Variants in CTNND2 observed in about 807,000 individuals in gnomAD.
CTNND2 encodes the protein catenin delta-2.
Under a neutral mutation model 144.4 loss-of-function variants are expected in CTNND2, and 22 were observed. The observed-to-expected ratio is 0.15, with a 90% CI of 0.11 to 0.22. The LOEUF (loss-of-function observed/expected upper bound fraction) is 0.22, where lower values mean the gene tolerates loss of function less well. Among genes scored for constraint, CTNND2 ranks in the 10% least tolerant of loss-of-function variants. CTNND2 has a pLI of 1.00. For missense variants in CTNND2, 1,353 were observed against 1,618.8 expected (o/e 0.84, Z 2.82); for synonymous variants, 751 against 695.6 (o/e 1.08, Z -1.25).
At chr5:11,018,335 C>T (rs545948648) in intron 17 of CTNND2, among the ~76,000 whole-genome samples, 1 of 152,110 alleles carries the variant, frequency 6.6e-6, no homozygotes, top group Non-Finnish European at 1.5e-5. Flanking sequence ...TTCCATAAGA[C>T]AAAACAATGT....
intron 3 of CTNND2, among the ~76,000 whole-genome samples, chr5:11,446,322 T>C (rs1296231868): frequency 6.6e-6 from 1 of 152,126 alleles, no homozygotes; most frequent in Non-Finnish European, 1.5e-5. Flanking sequence ...CAGTAGTCAT[T>C]AGTGATGCTA....
intron 2 of CTNND2, among the ~76,000 whole-genome samples, chr5:11,662,222 T>C (rs1463744759): frequency 7.4e-6 from 1 of 134,300 alleles, no homozygotes; most frequent in African/African-American, 3.1e-5. Context: ...TATACATATA[T>C]GTGTATATAT....
At chr5:11,455,570 T>C (rs961540430) in intron 3 of CTNND2, among the ~76,000 whole-genome samples, 2 of 152,228 alleles carry the variant, frequency 1.3e-5, no homozygotes, top group Non-Finnish European at 1.5e-5. Context: ...ACATGACCTT[T>C]TATGTCTCTT....
At chr5:11,178,653 A>G (rs370289602) in intron 11 of CTNND2, among the ~76,000 whole-genome samples, 2 of 152,202 alleles carry the variant, frequency 1.3e-5, no homozygotes, top group African/African-American at 4.8e-5. Flanking sequence ...GAGATGTAAG[A>G]CATCAGTAGA....
intron 1 of CTNND2, among the ~76,000 whole-genome samples, chr5:11,853,437 CTCTT>C (rs1417951632): frequency 6.6e-6 from 1 of 152,148 alleles, no homozygotes; most frequent in African/African-American, 2.4e-5. Context: ...TTACCACCTC[CTCTT>C]TATTTACATT....
rs533677227 is a variant in CTNND2, at chr5:11,256,863, T to A, written c.1629-20040A>T. ...GATTTGGGGCCAGGTAATTCTTGGT[T>A]GGGAAGGGAGGCTGCCCTGCCTTAT... On this transcript the variant is annotated intron_variant, in intron 9 of 21. Transcript: ENST00000304623. Among the ~76,000 whole-genome samples, 8 of 152,302 alleles carry A rather than the reference T, an allele frequency of 5.3e-5. No homozygotes were observed. In the East Asian group the frequency reaches 1.5e-3, roughly 29 times the overall value.
In CTNND2 at chr5:11,785,984, C is replaced by T. The variant is rs566111995; in HGVS notation, c.38-53712G>A. 8.5e-5 allele frequency among the ~76,000 whole-genome samples: 13 copies of T among 152,218 alleles called. No homozygotes were observed. In the South Asian group the frequency reaches 2.7e-3, roughly 32 times the overall value. ...TCATGGAGGGGGGTCACACTGCTGC[C>T]GCTGTCACTCTCACCAACTGCACCC... is the stretch of plus-strand genomic sequence containing the variant. On this transcript the variant is annotated intron_variant, in intron 1 of 21. Transcript: ENST00000304623.
intron 3 of CTNND2, among the ~76,000 whole-genome samples, chr5:11,414,836 T>C (rs1761807990): frequency 2.0e-5 from 3 of 152,198 alleles, no homozygotes; most frequent in Admixed American, 2.0e-4. Flanking sequence ...CACTTGTAAG[T>C]GAGAACATGC....
At chr5:11,424,989 T>C (rs570556850) in intron 3 of CTNND2, among the ~76,000 whole-genome samples, 1 of 152,316 alleles carries the variant, frequency 6.6e-6, no homozygotes, top group Non-Finnish European at 1.5e-5. Flanking sequence ...TGGAGCATAA[T>C]ATACCAATCA....
chr5:11,395,746 T>G (rs968526198), intron 6 of CTNND2, among the ~76,000 whole-genome samples: 1 of 152,212 alleles, frequency 6.6e-6, no homozygotes, highest in African/African-American at 2.4e-5. Context: ...AAGAAGGTAA[T>G]GACATTTTAA....
chr5:11,118,497 G>T (rs912585153), intron 12 of CTNND2, among the ~76,000 whole-genome samples: 1 of 152,246 alleles, frequency 6.6e-6, no homozygotes, highest in African/African-American at 2.4e-5. Flanking sequence ...TCCTCTGGAG[G>T]TGTGTGCAGT....
chr5:11,037,344 C>T (rs929929305), intron 16 of CTNND2, among the ~76,000 whole-genome samples: 8 of 152,180 alleles, frequency 5.3e-5, no homozygotes, highest in South Asian at 2.1e-4. Flanking sequence ...CAAAACCATG[C>T]GTCAGTATTG....
intron 21 of CTNND2, among the ~76,000 whole-genome samples, chr5:10,980,887 C>T (rs1737153431): frequency 6.6e-6 from 1 of 151,932 alleles, no homozygotes; most frequent in South Asian, 2.1e-4. Flanking sequence ...CACACTGGGG[C>T]CTGCTGGGGG....
chr5:11,847,070 T>C (rs1166093571), intron 1 of CTNND2, among the ~76,000 whole-genome samples: 1 of 147,864 alleles, frequency 6.8e-6, no homozygotes, highest in Non-Finnish European at 1.5e-5. Context: ...CGGTTTGATC[T>C]AGCAATCTCA....
intron 9 of CTNND2, among the ~76,000 whole-genome samples, chr5:11,326,667 C>T (rs1192271886): frequency 2.0e-5 from 3 of 152,190 alleles, no homozygotes; most frequent in Non-Finnish European, 1.5e-5. Context: ...CATCCCTTTG[C>T]TCCCTGACAG....
At chr5:11,672,663 A>G (rs1783936333) in intron 2 of CTNND2, among the ~76,000 whole-genome samples, 1 of 152,028 alleles carries the variant, frequency 6.6e-6, no homozygotes, top group Non-Finnish European at 1.5e-5. Flanking sequence ...TCAGACTGCT[A>G]TGCTAGCAGT....
At chr5:11,803,906 C>A (rs761779009) in intron 1 of CTNND2, among the ~76,000 whole-genome samples, 1 of 151,704 alleles carries the variant, frequency 6.6e-6, no homozygotes, top group Non-Finnish European at 1.5e-5. Context: ...AGTAAAAAAT[C>A]TTACTAAATC....
intron 1 of CTNND2, among the ~76,000 whole-genome samples, chr5:11,747,786 C>T (rs966315617): frequency 5.9e-5 from 9 of 152,132 alleles, no homozygotes; most frequent in Admixed American, 2.6e-4. Flanking sequence ...CCAACTTTGA[C>T]TGTCACAATC....
chr5:11,833,686 G>A (rs1794025843), intron 1 of CTNND2, among the ~76,000 whole-genome samples: 1 of 152,072 alleles, frequency 6.6e-6, no homozygotes, highest in South Asian at 2.1e-4. Flanking sequence ...ACTACTCCCA[G>A]CTAATTTTTG....
Sources: gnomAD v4.1 joint callset for allele counts (sites outside exome capture counted in the v4.1 genomes callset) on GRCh38, gnomAD v4.1.1 for gene constraint, MANE v1.5 for transcripts, NCBI Gene and HGNC (gene_info 2026-07-23, HGNC 2026-07-21) for gene names.